Variants in CGNL1 observed in about 807,000 individuals in gnomAD.
CGNL1 encodes the protein cingulin-like protein 1.
Under a neutral mutation model 141.2 loss-of-function variants are expected in CGNL1, and 132 were observed. The observed-to-expected ratio is 0.93, with a 90% confidence interval of 0.81 to 1.08. The LOEUF is 1.08. Ranked by LOEUF, CGNL1 falls within the 50% of genes least tolerant of loss-of-function variation. CGNL1 has a pLI of 0.00. For missense variants in CGNL1, 1,870 were observed against 1,588.6 expected, an observed-to-expected ratio of 1.18 and a Z score of -3.01; for synonymous variants, 690 against 622.1, an observed-to-expected ratio of 1.11 and a Z score of -1.63.
intron 1 of CGNL1, among the ~76,000 whole-genome samples, chr15:57,393,493 T>C (rs1277005377): frequency 1.3e-5 from 2 of 152,174 alleles, no homozygotes; most frequent in Admixed American, 1.3e-4. Flanking sequence ...AGAAAACAAG[T>C]GTACCTTTTC....
At chr15:57,453,437 G>A (rs143492208) in intron 6 of CGNL1, among the ~76,000 whole-genome samples, 5 of 152,118 alleles carry the variant, frequency 3.3e-5, no homozygotes, top group African/African-American at 9.7e-5. Flanking sequence ...AAATGTCTCC[G>A]TATAACCATA....
chr15:57,545,782 G>T, intron 17 of CGNL1, 82 bp downstream of exon 17: 1 of 1,139,050 alleles, frequency 8.8e-7, no homozygotes, highest in Non-Finnish European at 1.3e-6. Flanking sequence ...AGGCCTCCCT[G>T]AGCAGGAGTG....
chr15:57,534,940 C>G (rs1487644275), intron 14 of CGNL1, among the ~76,000 whole-genome samples: 2 of 152,202 alleles, frequency 1.3e-5, no homozygotes, highest in Non-Finnish European at 2.9e-5. Context: ...GGAATCTTTG[C>G]TTCCCCCAAA....
chr15:57,532,383 C>T (rs1437907670), intron 14 of CGNL1, among the ~76,000 whole-genome samples: 1 of 152,200 alleles, frequency 6.6e-6, no homozygotes, highest in African/African-American at 2.4e-5. Flanking sequence ...TCTGTTTCCT[C>T]GTGATCTCAC....
rs1219766612 is a variant in CGNL1, at chr15:57,435,122, AG to A, written c.-15-2862del. The stretch of plus-strand genomic sequence containing the variant: ...AGATTTAAGGATAGGTGTATAGAAA[AG>A]ACAAGTAAAACAGTAATCGATCATT... On this transcript the variant is annotated intron_variant, in intron 1 of 18. Transcript: ENST00000281282. 2.0e-5 allele frequency among the ~76,000 whole-genome samples: 3 copies of A among 152,324 alleles called. No homozygotes were observed. In the East Asian group the frequency reaches 5.8e-4, roughly 29 times the overall value.
intron 14 of CGNL1, among the ~76,000 whole-genome samples, chr15:57,539,112 G>A (rs1482779906): frequency 9.9e-5 from 15 of 152,016 alleles, no homozygotes; most frequent in South Asian, 2.1e-4. Flanking sequence ...GCTGCAGAGC[G>A]ATGCCTGCCT....
At chr15:57,452,787 T>C (rs1383638212) in intron 6 of CGNL1, among the ~76,000 whole-genome samples, 1 of 152,146 alleles carries the variant, frequency 6.6e-6, no homozygotes. Context: ...TTAAAAGCTG[T>C]GGCAAAGGAA....
intron 1 of CGNL1, among the ~76,000 whole-genome samples, chr15:57,427,143 T>C (rs1289027291): frequency 6.6e-6 from 1 of 152,168 alleles, no homozygotes; most frequent in African/African-American, 2.4e-5. Flanking sequence ...AAGGTCTTAC[T>C]GGGGCATGAG....
intron 1 of CGNL1, among the ~76,000 whole-genome samples, chr15:57,437,349 A>C (rs778381513): frequency 3.9e-5 from 6 of 152,182 alleles, no homozygotes; most frequent in Non-Finnish European, 8.8e-5. Flanking sequence ...CAGTCTCACA[A>C]ACAACTGATT....
At chr15:57,410,830 AAT>A (rs1161836269) in intron 1 of CGNL1, among the ~76,000 whole-genome samples, 20 of 152,212 alleles carry the variant, frequency 1.3e-4, no homozygotes, top group African/African-American at 4.1e-4. Context: ...TTGCTAAAAA[AAT>A]AAAATGCAAT....
chr15:57,495,852 G>A (rs1303529453), intron 8 of CGNL1, among the ~76,000 whole-genome samples: 1 of 152,122 alleles, frequency 6.6e-6, no homozygotes, highest in Non-Finnish European at 1.5e-5. Context: ...GAAGGCCAAG[G>A]GAATTGGGAA....
At chr15:57,484,839 G>A (rs757637454) in intron 8 of CGNL1, among the ~76,000 whole-genome samples, 1 of 151,946 alleles carries the variant, frequency 6.6e-6, no homozygotes, top group Non-Finnish European at 1.5e-5. Flanking sequence ...TTAGTTTGCT[G>A]AGGATGATAG....
chr15:57,433,887 C>T (rs2063074244), intron 1 of CGNL1, among the ~76,000 whole-genome samples: 1 of 145,106 alleles, frequency 6.9e-6, no homozygotes, highest in Non-Finnish European at 1.5e-5. Context: ...GAAAAAAATG[C>T]CCCCAGATAA....
intron 9 of CGNL1, among the ~76,000 whole-genome samples, chr15:57,517,914 C>A (rs1482523710): frequency 7.3e-6 from 1 of 136,524 alleles, no homozygotes; most frequent in Non-Finnish European, 1.7e-5. Flanking sequence ...CACCTGGATA[C>A]CTTTTATAAA....
intron 8 of CGNL1, among the ~76,000 whole-genome samples, chr15:57,513,758 G>A (rs2030539888): frequency 6.6e-6 from 1 of 152,152 alleles, no homozygotes; most frequent in Non-Finnish European, 1.5e-5. Flanking sequence ...CTGACCTCAG[G>A]TGATCTGCCC....
At position 57,439,267 on chromosome 15, in the gene CGNL1, A is replaced by G. The variant is rs781426522; in HGVS notation, c.1268A>G (p.Gln423Arg). Residue 423 changes from glutamine to arginine, a missense_variant, in exon 2 of 19, where the codon CAG becomes CGG. Coordinates refer to ENST00000281282, the MANE Select transcript of CGNL1 (RefSeq NM_032866.5). The stretch of plus-strand genomic sequence containing the variant: ...AGCGAACACCTCCTCCGGCCTTCCC[A>G]GGTGTGCCCGCAGCGGCCACTGTCT... ...KSSEHLLRPS[Q>R]VCPQRPLSQE... 5 of 1,613,912 alleles carry G rather than the reference A, an allele frequency of 3.1e-6. No homozygotes were observed. Among genetic ancestry groups the G allele is most frequent in the Non-Finnish European group, 4.2e-6 (5 of 1,180,030 alleles).
Position 57,379,282 on chromosome 15 carries a change from AGCACATTTATT to A in CGNL1, c.-16+2719_-16+2729del, listed in dbSNP as rs544168075. On this transcript the variant is annotated intron_variant, in intron 1 of 18. Transcript: ENST00000281282. Reference sequence around the variant, plus strand: ...AAAAGTTTATGTAAATGTGGGCCTAAGCACATTTATTGCAATTTCTCACTTTGGAGTAGCAG... The same window carrying A: ...AAAAGTTTATGTAAATGTGGGCCTAAGCAATTTCTCACTTTGGAGTAGCAG... 2.4e-3 allele frequency among the ~76,000 whole-genome samples: 364 copies of A among 152,338 alleles called. 2 individuals carry two copies. Among genetic ancestry groups the A allele is most frequent in the African/African-American group, 8.2e-3 (340 of 41,574 alleles).
chr15:57,438,238 T>G lies in CGNL1; in HGVS notation c.239T>G (p.Val80Gly). The part of the protein sequence containing the change: ...SENGPPFPPP[V>G]INNLPLHSSN... Reference sequence around the variant, plus strand: ...AATGGGCCACCCTTTCCACCTCCAGTGATAAATAACCTGCCTCTACATTCC... The same window carrying G: ...AATGGGCCACCCTTTCCACCTCCAGGGATAAATAACCTGCCTCTACATTCC... Residue 80 changes from valine to glycine, a missense_variant, in exon 2 of 19, where the codon GTG (valine) becomes GGG (glycine). By Grantham distance (109) the Val-to-Gly change is moderately radical. Coordinates refer to ENST00000281282, the MANE Select transcript of CGNL1 (RefSeq NM_032866.5). The G allele has an allele frequency of 1.2e-6, 2 of 1,614,106 alleles. No homozygotes were observed. The highest frequency in any genetic ancestry group is 4.5e-5 in the East Asian group (2 of 44,876).
At chr15:57,383,553 C>T (rs1275897362) in intron 1 of CGNL1, among the ~76,000 whole-genome samples, 5 of 151,834 alleles carry the variant, frequency 3.3e-5, no homozygotes, top group African/African-American at 9.7e-5. Flanking sequence ...CTGCCTCAGC[C>T]TCCCAAAGTG....
Sources: allele counts gnomAD v4.1 joint callset (sites outside exome capture counted in the v4.1 genomes callset), GRCh38; gene constraint gnomAD v4.1.1; transcripts MANE v1.5; gene names NCBI Gene and HGNC (gene_info 2026-07-23, HGNC 2026-07-21).